TRIM5: variants seen among roughly 807,000 people sequenced by gnomAD.
TRIM5 encodes tripartite motif containing 5, also known as tripartite motif-containing protein 5.
TRIM5 carries 31 observed loss-of-function variants against 35.6 expected under a neutral mutation model. The observed-to-expected ratio is 0.87, with a 90% CI of 0.65 to 1.18. The LOEUF is 1.18. Among genes scored for constraint, TRIM5 ranks in the 50% most tolerant of loss-of-function variants. TRIM5 has a pLI of 0.00. For synonymous variants in TRIM5, 243 were observed against 215.6 expected, an observed-to-expected ratio of 1.13 and a Z score of -1.11; for missense variants, 609 against 591.6, an observed-to-expected ratio of 1.03 and a Z score of -0.31.
chr11:5,591,968 G>A, the TRIM5 span, among the ~76,000 whole-genome samples: 3 of 152,180 alleles, frequency 2.0e-5, no homozygotes, highest in Non-Finnish European at 2.9e-5. Flanking sequence ...GTCCGCTGAG[G>A]TTATAACATC....
chr11:5,681,584 G>A (rs1465640725), intron 1 of TRIM5, among the ~76,000 whole-genome samples: 2 of 152,120 alleles, frequency 1.3e-5, no homozygotes, highest in Non-Finnish European at 2.9e-5. Context: ...ATTAAGGTTT[G>A]CGGAGTTCCT....
Position 5,680,236 on chromosome 11 carries a change from T to G in TRIM5, c.-59A>C. ...TGCTGAGGTTCCTCTTGTTCACAGA[T>G]CCCTGCATGATTGGGAAGGTTAAAA... is the stretch of plus-strand genomic sequence containing the variant. On this transcript the variant is annotated splice_region_variant and 5_prime_UTR_variant, in exon 2 of 8. Transcript: ENST00000380034. The G allele has an allele frequency of 1.3e-6, 2 of 1,498,876 alleles. No individual in the cohort carries two copies. 92.8% of individuals were successfully genotyped at this position (1,498,876 alleles called of 1,614,324 possible).
chr11:5,667,047 A>C (rs1164428284), intron 5 of TRIM5, among the ~76,000 whole-genome samples: 2 of 152,124 alleles, frequency 1.3e-5, no homozygotes, highest in Non-Finnish European at 2.9e-5. Context: ...AAATACAGAA[A>C]GAGAACTAGA....
At position 5,665,198 on chromosome 11, in the gene TRIM5, C is replaced by G; in HGVS notation, c.1093G>C (p.Val365Leu). 1.2e-6 allele frequency: 2 copies of G among 1,614,110 alleles called. No homozygotes were observed. Among genetic ancestry groups the G allele is most frequent in the Non-Finnish European group, 1.7e-6 (2 of 1,179,996 alleles). Residue 365 changes from valine (V) to leucine (L), a missense_variant, in exon 8 of 8, where the codon GTG becomes CTG. By Grantham distance (32) the Val-to-Leu change is conservative. Coordinates refer to ENST00000380034, the MANE Select transcript of TRIM5 (RefSeq NM_033034.3). ...TSGKHYWEVD[V>L]SKKTAWILGV... ...AGGATCCAAGCAGTTTTCTTGGACA[C>G]GTCTACCTCCCAGTAATGTTTCCCT...
At chr11:5,632,188 T>A in the TRIM5 span, 1,515,079 of 1,515,144 alleles carry the variant, frequency 1, 757,507 homozygotes, top group Middle Eastern at 1. Flanking sequence ...CCAGTCTTTA[T>A]TGTCTGTGCA....
chr11:5,648,224 G>A, the TRIM5 span, among the ~76,000 whole-genome samples: 10 of 152,036 alleles, frequency 6.6e-5, no homozygotes, highest in East Asian at 1.7e-3. Context: ...AACAGCTTCG[G>A]GGCCGGGCGC....
the TRIM5 span, chr11:5,641,129 T>A: frequency 6.2e-7 from 1 of 1,610,868 alleles, no homozygotes; most frequent in Non-Finnish European, 8.5e-7. Flanking sequence ...ACACCAGTCT[T>A]TATACACTTT....
chr11:5,609,342 T>A, the TRIM5 span, among the ~76,000 whole-genome samples: 1 of 152,186 alleles, frequency 6.6e-6, no homozygotes, highest in South Asian at 2.1e-4. Context: ...AAATGCTGTT[T>A]TGAAGGTTTT....
At chr11:5,655,268 C>G in the TRIM5 span, among the ~76,000 whole-genome samples, 1 of 150,632 alleles carries the variant, frequency 6.6e-6, no homozygotes, top group Non-Finnish European at 1.5e-5. Flanking sequence ...TGGGTGGGAA[C>G]AATATTCAAT....
chr11:5,682,372 C>T (rs1043517904), intron 1 of TRIM5, among the ~76,000 whole-genome samples: 2 of 152,060 alleles, frequency 1.3e-5, no homozygotes, highest in East Asian at 1.9e-4. Context: ...ATACGGCCCA[C>T]GGAGAGGGAG....
chr11:5,645,880 A>AAAAT, the TRIM5 span: 42 of 137,372 alleles, frequency 3.1e-4, no homozygotes, highest in Admixed American at 4.7e-4. Context: ...AAAAAAAAAA[A>AAAAT]ATATATATAT....
the TRIM5 span, chr11:5,626,544 A>C: frequency 6.6e-6 from 1 of 152,224 alleles, no homozygotes; most frequent in African/African-American, 2.4e-5. Flanking sequence ...AAAGGAGAAC[A>C]GTGTGGAAGA....
intron 1 of TRIM5, among the ~76,000 whole-genome samples, chr11:5,684,664 T>C (rs1020351500): frequency 6.6e-6 from 1 of 151,732 alleles, no homozygotes; most frequent in African/African-American, 2.4e-5. Flanking sequence ...AAGTATAGAG[T>C]AGGGAGGGGA....
the TRIM5 span, among the ~76,000 whole-genome samples, chr11:5,593,027 A>G: frequency 6.6e-6 from 1 of 152,176 alleles, no homozygotes; most frequent in East Asian, 1.9e-4. Flanking sequence ...AAAAAAATGC[A>G]TTAATTAGGT....
the TRIM5 span, chr11:5,603,203 C>G: frequency 6.3e-7 from 1 of 1,581,630 alleles, no homozygotes; most frequent in Non-Finnish European, 8.6e-7. Flanking sequence ...TATTCTCCCT[C>G]CTTTCTTACC....
At chr11:5,622,423 C>T in the TRIM5 span, among the ~76,000 whole-genome samples, 6 of 145,986 alleles carry the variant, frequency 4.1e-5, no homozygotes, top group Non-Finnish European at 7.4e-5. Context: ...CCAGCCTGGG[C>T]GACAGAGCGA....
chr11:5,641,080 A>ATT, the TRIM5 span: 1 of 1,377,432 alleles, frequency 7.3e-7, no homozygotes, highest in South Asian at 1.5e-5. Flanking sequence ...TGATTTTTCC[A>ATT]TTTTTTTTCC....
the TRIM5 span, chr11:5,634,663 A>C: frequency 1.2e-6 from 2 of 1,613,818 alleles, no homozygotes; most frequent in Non-Finnish European, 1.7e-6. Context: ...AAAGGATACA[A>C]ACAGAATTTG....
the TRIM5 span, among the ~76,000 whole-genome samples, chr11:5,597,448 T>G: frequency 6.6e-6 from 1 of 152,230 alleles, no homozygotes; most frequent in Non-Finnish European, 1.5e-5. Context: ...TTTTTTGTTT[T>G]GAAACTGATT....
Sources: gnomAD v4.1 joint callset for allele counts (sites outside exome capture counted in the v4.1 genomes callset) on GRCh38, gnomAD v4.1.1 for gene constraint, MANE v1.5 for transcripts, NCBI Gene and HGNC (gene_info 2026-07-23, HGNC 2026-07-21) for gene names.